The following FRMD4A variants were observed in gnomAD, a reference collection of about 807,000 sequenced individuals.
FRMD4A encodes the protein FERM domain-containing protein 4A.
FRMD4A carries 29 observed loss-of-function variants against 129.1 expected under a neutral mutation model. That is an observed-to-expected ratio of 0.22 (90% confidence interval 0.17 to 0.31). The LOEUF (loss-of-function observed/expected upper bound fraction) is 0.31, where lower values mean the gene tolerates loss of function less well. Ranked by LOEUF, FRMD4A falls within the 10% of genes least tolerant of loss-of-function variation. FRMD4A has a pLI of 1.00. For synonymous variants in FRMD4A, 634 were observed against 571.6 expected, an observed-to-expected ratio of 1.11 and a Z score of -1.56; for missense variants, 1,272 against 1,375.8, an observed-to-expected ratio of 0.92 and a Z score of 1.19.
chr10:13,921,413 C>T (rs1012033895), intron 2 of FRMD4A, among the ~76,000 whole-genome samples: 3 of 152,076 alleles, frequency 2.0e-5, no homozygotes, highest in Admixed American at 2.0e-4. Flanking sequence ...AGGCGTGTGC[C>T]ACCATGCTTG....
chr10:14,068,111 T>TGC lies in FRMD4A; in HGVS notation c.46-209200_46-209199insGC, dbSNP rs1349248935. Reference sequence around the variant, plus strand: ...GGGATCATCTTTCAAAGTATAAATATTTCGGAGAGCAGTAACATCTTCAAA... The same window carrying TGC: ...GGGATCATCTTTCAAAGTATAAATATGCTTCGGAGAGCAGTAACATCTTCAAA... On this transcript the variant is annotated intron_variant, in intron 2 of 24. Transcript: ENST00000357447. 7.1e-3 allele frequency among the ~76,000 whole-genome samples: 1,078 copies of TGC among 152,328 alleles called. 10 individuals carry two copies. Among genetic ancestry groups the TGC allele is most frequent in the African/African-American group, 0.024 (1,012 of 41,572 alleles).
At chr10:14,226,212 C>T (rs1369985476) in intron 2 of FRMD4A, among the ~76,000 whole-genome samples, 5 of 152,136 alleles carry the variant, frequency 3.3e-5, no homozygotes, top group Admixed American at 3.3e-4. Context: ...CCTGTCAACT[C>T]ATCATCTAGG....
At chr10:13,656,406 G>A (rs1172313248) in intron 22 of FRMD4A, among the ~76,000 whole-genome samples, 1 of 152,192 alleles carries the variant, frequency 6.6e-6, no homozygotes, top group Non-Finnish European at 1.5e-5. Context: ...ACTCTGGAGG[G>A]TCAGGTGCAC....
At chr10:14,325,410 C>T (rs538427555) in intron 2 of FRMD4A, among the ~76,000 whole-genome samples, 8 of 152,294 alleles carry the variant, frequency 5.3e-5, no homozygotes, top group African/African-American at 1.2e-4. Flanking sequence ...GTCTACTCCC[C>T]GTCTCCCAAA....
At chr10:13,755,523 T>G (rs2091823844) in intron 8 of FRMD4A, among the ~76,000 whole-genome samples, 1 of 152,140 alleles carries the variant, frequency 6.6e-6, no homozygotes, top group Admixed American at 6.6e-5. Context: ...TAATAACATG[T>G]GGTTTGTGGA....
intron 4 of FRMD4A, among the ~76,000 whole-genome samples, chr10:13,799,485 G>A (rs1447205866): frequency 6.6e-6 from 1 of 150,936 alleles, no homozygotes; most frequent in African/African-American, 2.5e-5. Context: ...TCTGGAAAAT[G>A]CCACGAGATC....
chr10:13,970,468 G>A (rs188165468), intron 2 of FRMD4A, among the ~76,000 whole-genome samples: 1 of 152,246 alleles, frequency 6.6e-6, no homozygotes, highest in East Asian at 1.9e-4. Context: ...TAGCCAGTGC[G>A]TTTTATTAAG....
intron 2 of FRMD4A, among the ~76,000 whole-genome samples, chr10:14,192,353 T>C (rs7068441): frequency 0.26 from 39,461 of 152,174 alleles, 5,303 homozygotes; most frequent in Admixed American, 0.31. Flanking sequence ...AGAGATTGAT[T>C]AACTTGTTTA....
intron 2 of FRMD4A, among the ~76,000 whole-genome samples, chr10:13,983,062 T>G (rs2095567917): frequency 6.6e-6 from 1 of 152,168 alleles, no homozygotes; most frequent in Non-Finnish European, 1.5e-5. Context: ...CAAGTGATTC[T>G]GGATTCTCCT....
In FRMD4A at chr10:13,659,485, T is replaced by C. The variant is rs751081943; in HGVS notation, c.1904A>G (p.His635Arg). The C allele has an allele frequency of 6.8e-6, 11 of 1,612,102 alleles. No homozygotes were observed. Among genetic ancestry groups the C allele is most frequent in the Non-Finnish European group, 9.3e-6 (11 of 1,179,066 alleles). Residue 635 changes from histidine to arginine, a missense_variant, in exon 21 of 25, where the codon CAC becomes CGC. Around this residue, in one of 2 missense-constraint regions of FRMD4A, gnomAD observed 972 missense variants for 892.3 expected, o/e 1.09. Transcript: ENST00000357447. ...KRSSHSHSSS[H>R]KRFPSTGSCA... is the part of the protein sequence containing the mutation. ...GCTTCCTGTGCTGGGGAAGCGCTTGTGGCTGCTGCAAAGCCAAGGATGCCA... is the reference window on the plus strand; with the variant it reads ...GCTTCCTGTGCTGGGGAAGCGCTTGCGGCTGCTGCAAAGCCAAGGATGCCA...
chr10:13,710,093 T>C (rs1025327949), intron 12 of FRMD4A, among the ~76,000 whole-genome samples: 1 of 151,948 alleles, frequency 6.6e-6, no homozygotes, highest in African/African-American at 2.4e-5. Context: ...GGTCCTGGCA[T>C]GTACTGGTGC....
intron 2 of FRMD4A, among the ~76,000 whole-genome samples, chr10:14,075,215 A>G (rs1337947221): frequency 6.6e-6 from 1 of 152,210 alleles, no homozygotes; most frequent in Non-Finnish European, 1.5e-5. Context: ...TTTTCCTTCC[A>G]GTTGTAAGCA....
intron 3 of FRMD4A, among the ~76,000 whole-genome samples, chr10:13,843,476 G>A (rs969071318): frequency 6.6e-6 from 1 of 152,158 alleles, no homozygotes; most frequent in African/African-American, 2.4e-5. Flanking sequence ...GATAAAAAGA[G>A]TCACGATGGG....
intron 8 of FRMD4A, among the ~76,000 whole-genome samples, chr10:13,750,112 G>GAAAT (rs1564739369): frequency 1.2e-3 from 86 of 74,724 alleles, no homozygotes; most frequent in African/African-American, 3.2e-3. Flanking sequence ...AAGAAATGAA[G>GAAAT]AAAGAAAGAA....
At chr10:13,931,114 G>A (rs909265324) in intron 2 of FRMD4A, among the ~76,000 whole-genome samples, 1 of 152,148 alleles carries the variant, frequency 6.6e-6, no homozygotes, top group African/African-American at 2.4e-5. Flanking sequence ...GGCCTAAAAT[G>A]TTAACTTTTC....
At chr10:13,959,508 TGA>T (rs56087924) in intron 2 of FRMD4A, among the ~76,000 whole-genome samples, 47,452 of 73,520 alleles carry the variant, frequency 0.65, 12,805 homozygotes, top group East Asian at 0.89. Context: ...AAGCTGTGAG[TGA>T]TTTTTTTTTT....
At chr10:13,984,552 C>G (rs1452809244) in intron 2 of FRMD4A, among the ~76,000 whole-genome samples, 1 of 152,194 alleles carries the variant, frequency 6.6e-6, no homozygotes, top group East Asian at 1.9e-4. Context: ...CCCTCTCCAT[C>G]TTCTGGTAAC....
chr10:13,732,965 C>T (rs779654500), intron 12 of FRMD4A, among the ~76,000 whole-genome samples: 1 of 152,122 alleles, frequency 6.6e-6, no homozygotes, highest in African/African-American at 2.4e-5. Context: ...GTGGCCTGGT[C>T]GGAGGTGTAG....
intron 2 of FRMD4A, among the ~76,000 whole-genome samples, chr10:14,115,106 A>T (rs1001929172): frequency 6.6e-6 from 1 of 152,216 alleles, no homozygotes; most frequent in African/African-American, 2.4e-5. Flanking sequence ...GCTGTGTTCT[A>T]AGGAGACCAA....
Sources: gnomAD v4.1 joint callset for allele counts (sites outside exome capture counted in the v4.1 genomes callset) on GRCh38, gnomAD v4.1.1 for gene constraint, gnomAD v4.1.1 regional missense constraint, MANE v1.5 for transcripts, NCBI Gene and HGNC (gene_info 2026-07-23, HGNC 2026-07-21) for gene names.